The following FOXN3 variants were observed in gnomAD, a reference collection of about 807,000 sequenced individuals.
The protein encoded by FOXN3 is forkhead box protein N3.
FOXN3 carries 7 observed loss-of-function variants against 38.4 expected under a neutral mutation model. That is an observed-to-expected ratio of 0.18 (90% CI 0.10 to 0.34). The LOEUF is 0.34. Among genes scored for constraint, FOXN3 ranks in the 10% least tolerant of loss-of-function variants. FOXN3 has a pLI of 1.00. For synonymous variants in FOXN3, 230 were observed against 242.2 expected (o/e 0.95, Z 0.47); for missense variants, 456 against 613.4 (o/e 0.74, Z 2.71).
At chr14:89,360,801 TCCAGCACCACCTCCACCACCACCTCCA>T (rs1889513402) in intron 2 of FOXN3, among the ~76,000 whole-genome samples, 1 of 29,424 alleles carries the variant, frequency 3.4e-5, no homozygotes, top group African/African-American at 1.7e-4. Context: ...CACCACCACC[TCCAGCACCACCTCCACCACCACCTCCA>T]CCACTACCAC....
At position 89,561,133 on chromosome 14, in the gene FOXN3, G is replaced by A. The variant is rs368656913; in HGVS notation, c.-15+57895C>T. Among the ~76,000 whole-genome samples the A allele has an allele frequency of 6.0e-4, 92 of 152,336 alleles. 2 individuals are homozygous for A. The East Asian group carries it at 0.015, about 25-fold the overall frequency. On this transcript the variant is annotated intron_variant, in intron 1 of 6. Transcript: ENST00000345097. ...TGCATGACTGGTGGGCATCGCCAAC[G>A]GGTGGCCTCCGTGATAAAAGCGTGA...
intron 2 of FOXN3, among the ~76,000 whole-genome samples, chr14:89,398,916 G>A (rs541104318): frequency 3.9e-5 from 6 of 152,356 alleles, no homozygotes; most frequent in Non-Finnish European, 7.3e-5. Flanking sequence ...CCCAGGAGGC[G>A]GAGGTTGTGG....
intron 1 of FOXN3, among the ~76,000 whole-genome samples, chr14:89,585,757 G>GAAAAAAAAA: frequency 7.3e-6 from 1 of 136,858 alleles, no homozygotes. Context: ...CACTTGACTA[G>GAAAAAAAAA]AAAAAAAAAA....
At chr14:89,505,139 T>C (rs933366109) in intron 1 of FOXN3, among the ~76,000 whole-genome samples, 2 of 152,206 alleles carry the variant, frequency 1.3e-5, no homozygotes, top group African/African-American at 2.4e-5. Context: ...CTAAACTAGA[T>C]CAGAGATGCA....
chr14:89,176,557 T>G (rs1887524361), intron 5 of FOXN3, among the ~76,000 whole-genome samples: 1 of 152,218 alleles, frequency 6.6e-6, no homozygotes, highest in South Asian at 2.1e-4. Context: ...CACAGAATAC[T>G]TGGGCACTGC....
At chr14:89,392,893 G>GC (rs1192920749) in intron 2 of FOXN3, among the ~76,000 whole-genome samples, 2 of 148,962 alleles carry the variant, frequency 1.3e-5, no homozygotes, top group Non-Finnish European at 3.0e-5. Context: ...TGCAACCTCC[G>GC]CCCCCAAGGT....
intron 1 of FOXN3, among the ~76,000 whole-genome samples, chr14:89,553,177 T>C (rs756032467): frequency 7.2e-6 from 1 of 138,632 alleles, no homozygotes; most frequent in Non-Finnish European, 1.5e-5. Context: ...CAGTTGAGAA[T>C]GCAGTAAGCA....
At chr14:89,442,234 CTGACCTTTCCAA>C (rs1343183972) in intron 1 of FOXN3, among the ~76,000 whole-genome samples, 1 of 151,972 alleles carries the variant, frequency 6.6e-6, no homozygotes, top group Non-Finnish European at 1.5e-5. Flanking sequence ...GTGAAACTGG[CTGACCTTTCCAA>C]TGACACTCAA....
At chr14:89,192,433 T>C (rs1887979637) in intron 4 of FOXN3, among the ~76,000 whole-genome samples, 1 of 143,132 alleles carries the variant, frequency 7.0e-6, no homozygotes, top group Non-Finnish European at 1.5e-5. Context: ...TAATAGTTTA[T>C]AATACATAAA....
intron 1 of FOXN3, among the ~76,000 whole-genome samples, chr14:89,500,186 C>T (rs1405803361): frequency 2.0e-5 from 3 of 152,140 alleles, no homozygotes; most frequent in South Asian, 2.1e-4. Context: ...ATTTCATTTA[C>T]GGGCACTCTT....
chr14:89,242,835 T>C (rs1885179613), intron 4 of FOXN3, among the ~76,000 whole-genome samples: 1 of 152,016 alleles, frequency 6.6e-6, no homozygotes, highest in Non-Finnish European at 1.5e-5. Flanking sequence ...ATAAAAACAA[T>C]CCAAGAATAC....
chr14:89,274,287 T>A (rs972946024), intron 4 of FOXN3, among the ~76,000 whole-genome samples: 1 of 152,090 alleles, frequency 6.6e-6, no homozygotes, highest in South Asian at 2.1e-4. Context: ...ATGGAAATCA[T>A]GAGAAAGGAA....
chr14:89,511,109 A>T (rs1894047065), intron 1 of FOXN3, among the ~76,000 whole-genome samples: 1 of 149,500 alleles, frequency 6.7e-6, no homozygotes, highest in Non-Finnish European at 1.5e-5. Flanking sequence ...GCATCTCAAA[A>T]GACCTGCTTG....
intron 1 of FOXN3, among the ~76,000 whole-genome samples, chr14:89,570,003 G>GT (rs398057363): frequency 0.12 from 17,684 of 142,778 alleles, 1,305 homozygotes; most frequent in African/African-American, 0.2. Flanking sequence ...CACTTGGTAT[G>GT]TTTTTTTTTT....
At chr14:89,353,332 A>C (rs1191807204) in intron 2 of FOXN3, 1 of 152,204 alleles carries the variant, frequency 6.6e-6, no homozygotes, top group Non-Finnish European at 1.5e-5. Context: ...GGACACAAGA[A>C]AGACAATGAA....
intron 3 of FOXN3, among the ~76,000 whole-genome samples, chr14:89,333,982 A>ATATATATATC (rs1888349766): frequency 2.0e-4 from 2 of 10,046 alleles, no homozygotes; most frequent in Non-Finnish European, 2.5e-4. Flanking sequence ...ATATATATAT[A>ATATATATATC]TATATATATA....
chr14:89,418,412 ACC>A (rs77366418), upstream of FOXN3, among the ~76,000 whole-genome samples: 83 of 72,016 alleles, frequency 1.2e-3, 4 homozygotes, highest in Admixed American at 1.8e-3. Flanking sequence ...CAAAAAATAG[ACC>A]CCCCCCCCCC....
intron 1 of FOXN3, among the ~76,000 whole-genome samples, chr14:89,511,065 C>T (rs1361963317): frequency 6.6e-6 from 1 of 151,982 alleles, no homozygotes; most frequent in East Asian, 1.9e-4. Flanking sequence ...CCAGAAGGTT[C>T]CCCAACTCAT....
intron 1 of FOXN3, among the ~76,000 whole-genome samples, chr14:89,588,683 C>G (rs1486994141): frequency 6.6e-6 from 1 of 152,182 alleles, no homozygotes; most frequent in African/African-American, 2.4e-5. Context: ...AACTCCTGGT[C>G]AGTACCTGGA....
Sources: allele counts gnomAD v4.1 joint callset (sites outside exome capture counted in the v4.1 genomes callset), GRCh38; gene constraint gnomAD v4.1.1; transcripts MANE v1.5; gene names NCBI Gene and HGNC (gene_info 2026-07-23, HGNC 2026-07-21).